CDH19: variants seen among roughly 807,000 people sequenced by gnomAD.
CDH19 encodes the protein cadherin 19, also known as cadherin-19.
CDH19 carries 67 observed loss-of-function variants against 64.2 expected under a neutral mutation model. That is an observed-to-expected ratio of 1.04 (90% CI 0.86 to 1.28). The LOEUF is 1.28. Among genes scored for constraint, CDH19 ranks in the 50% most tolerant of loss-of-function variants. CDH19 has a pLI of 0.00. For synonymous variants in CDH19, 346 were observed against 319.3 expected, an observed-to-expected ratio of 1.08 and a Z score of -0.89; for missense variants, 1,030 against 929.0, an observed-to-expected ratio of 1.11 and a Z score of -1.41.
At chr18:66,563,517 T>A (rs1987798000) in intron 3 of CDH19, among the ~76,000 whole-genome samples, 1 of 152,030 alleles carries the variant, frequency 6.6e-6, no homozygotes, top group African/African-American at 2.4e-5. Flanking sequence ...TGATCCACAC[T>A]CTGCATATGT....
chr18:66,548,847 G>A (rs1254594257), intron 5 of CDH19, among the ~76,000 whole-genome samples: 1 of 152,150 alleles, frequency 6.6e-6, no homozygotes, highest in Non-Finnish European at 1.5e-5. Context: ...GCAAGAAAGT[G>A]TTTTTGTTTT....
At chr18:66,558,017 C>T (rs553537271) in intron 3 of CDH19, among the ~76,000 whole-genome samples, 7 of 151,670 alleles carry the variant, frequency 4.6e-5, no homozygotes, top group South Asian at 2.1e-4. Context: ...TTGTCCTAGG[C>T]GTTTGCTCCT....
At chr18:66,547,922 C>T (rs899548591) in intron 5 of CDH19, among the ~76,000 whole-genome samples, 1 of 143,304 alleles carries the variant, frequency 7.0e-6, no homozygotes, top group African/African-American at 2.8e-5. Flanking sequence ...CCGCCTCGGC[C>T]TCCCAAAGTG....
At chr18:66,544,271 A>G (rs780282775) in intron 6 of CDH19, 47 bp from the exon 7 acceptor site, 2 of 1,551,328 alleles carry the variant, frequency 1.3e-6, no homozygotes, top group Non-Finnish European at 1.7e-6. Flanking sequence ...TTAGTAACCC[A>G]AGATACTATT....
intron 11 of CDH19, among the ~76,000 whole-genome samples, chr18:66,506,559 C>A (rs1214232586): frequency 6.6e-6 from 1 of 151,950 alleles, no homozygotes; most frequent in Non-Finnish European, 1.5e-5. Context: ...GCATTTGAAT[C>A]ATAACACATT....
chr18:66,571,243 T>C (rs567282798), intron 2 of CDH19, among the ~76,000 whole-genome samples: 57 of 151,772 alleles, frequency 3.8e-4, no homozygotes, highest in African/African-American at 1.3e-3. Flanking sequence ...CCAGATACCA[T>C]GCTAACACTG....
At chr18:66,590,455 T>C (rs1306147679) in intron 1 of CDH19, among the ~76,000 whole-genome samples, 1 of 151,924 alleles carries the variant, frequency 6.6e-6, no homozygotes, top group Non-Finnish European at 1.5e-5. Flanking sequence ...ACAAAGAATT[T>C]TGCTTTCTTT....
chr18:66,525,975 G>A (rs898954183), intron 9 of CDH19, among the ~76,000 whole-genome samples: 2 of 152,034 alleles, frequency 1.3e-5, no homozygotes, highest in Middle Eastern at 3.2e-3. Flanking sequence ...GCATATCCCA[G>A]GAAGGAGTTT....
At chr18:66,543,851 C>A (rs375127202) in intron 7 of CDH19, 120 bp downstream of exon 7, 2 of 732,172 alleles carry the variant, frequency 2.7e-6, no homozygotes, top group South Asian at 2.2e-5. Context: ...CCACTGTACT[C>A]GAGCCTAGAA....
chr18:66,539,864 G>T (rs1186469960), intron 7 of CDH19, among the ~76,000 whole-genome samples: 5 of 151,884 alleles, frequency 3.3e-5, no homozygotes, highest in Non-Finnish European at 5.9e-5. Context: ...ATATTTATGA[G>T]GTTGTACATA....
chr18:66,532,638 C>CAGG (rs1986499518), intron 8 of CDH19: 2 of 423,130 alleles, frequency 4.7e-6, no homozygotes, highest in South Asian at 3.5e-5. Flanking sequence ...CTTTAGGATC[C>CAGG]AGGATTGTAT....
intron 9 of CDH19, among the ~76,000 whole-genome samples, chr18:66,524,542 G>GTATATATATA (rs72219868): frequency 0.011 from 1,027 of 94,494 alleles, 13 homozygotes; most frequent in African/African-American, 0.02. Flanking sequence ...ATGTTTGTGT[G>GTATATATATA]TATATATATA....
At chr18:66,544,999 G>A (rs1987053658) in intron 5 of CDH19, 96 bp from the exon 6 acceptor site, 1 of 942,510 alleles carries the variant, frequency 1.1e-6, no homozygotes, top group Non-Finnish European at 1.5e-6. Context: ...GTTTTTTCGA[G>A]ACGGAGTCTC....
chr18:66,544,713 G>A lies in CDH19; in HGVS notation c.960+6C>T. On this transcript the variant is annotated splice_donor_region_variant and intron_variant, in intron 6 of 11. Transcript: ENST00000262150. ...TCTGCAAGGCAAATAATTTTAACAT[G>A]TCTACCTTTTTTAATATAACTATTC... 1 of 1,579,312 alleles carries A rather than the reference G, an allele frequency of 6.3e-7. No homozygotes were observed. The highest frequency in any genetic ancestry group is 8.6e-7 in the Non-Finnish European group (1 of 1,156,490).
chr18:66,551,952 AT>A (rs1361850016), intron 4 of CDH19, among the ~76,000 whole-genome samples: 1 of 152,074 alleles, frequency 6.6e-6, no homozygotes, highest in African/African-American at 2.4e-5. Flanking sequence ...GTCACAAAAA[AT>A]AAATAATACC....
At position 66,544,011 on chromosome 18, in the gene CDH19, C is replaced by A; in HGVS notation, c.1174G>T (p.Val392Leu). Residue 392 changes from valine (V) to leucine (L), a missense_variant, in exon 7 of 12, where the codon GTG becomes TTG. Physicochemically the swap from Val to Leu is conservative, Grantham distance 32. Coordinates refer to ENST00000262150, the MANE Select transcript of CDH19 (RefSeq NM_021153.4). ...ETPQGSFVGV[V>L]SATDPDNRKS... ...CTATTGTCTGGGTCTGTGGCAGACA[C>A]CACGCCTACAAATGATCCCTGTGGG... The A allele has an allele frequency of 6.2e-7, 1 of 1,613,558 alleles. No individual in the cohort carries two copies. Among genetic ancestry groups the A allele is most frequent in the Non-Finnish European group, 8.5e-7 (1 of 1,179,502 alleles).
At chr18:66,513,218 A>C (rs1208406515) in intron 9 of CDH19, among the ~76,000 whole-genome samples, 3 of 151,674 alleles carry the variant, frequency 2.0e-5, no homozygotes, top group African/African-American at 7.2e-5. Flanking sequence ...TAAATGTTGC[A>C]AATGTCTCCC....
chr18:66,539,397 C>T (rs1293250160), intron 7 of CDH19, among the ~76,000 whole-genome samples: 1 of 151,996 alleles, frequency 6.6e-6, no homozygotes, highest in Non-Finnish European at 1.5e-5. Flanking sequence ...ATAATATTAG[C>T]TGCATTCTTT....
At chr18:66,601,438 T>C (rs1366587997) in intron 1 of CDH19, among the ~76,000 whole-genome samples, 1 of 151,960 alleles carries the variant, frequency 6.6e-6, no homozygotes, top group African/African-American at 2.4e-5. Context: ...AAATTTCATT[T>C]ATCATGAAAC....
Sources: allele counts gnomAD v4.1 joint callset (sites outside exome capture counted in the v4.1 genomes callset), GRCh38; gene constraint gnomAD v4.1.1; transcripts MANE v1.5; gene names NCBI Gene and HGNC (gene_info 2026-07-23, HGNC 2026-07-21).